The following VAT1L variants were observed in gnomAD, a reference collection of about 807,000 sequenced individuals.
VAT1L encodes the protein vesicle amine transport 1 like.
VAT1L carries 34 observed loss-of-function variants against 44.1 expected under a neutral mutation model. That is an observed-to-expected ratio of 0.77 (90% CI 0.59 to 1.03). The LOEUF is 1.03. Ranked by LOEUF, VAT1L falls within the 50% of genes least tolerant of loss-of-function variation. The probability of loss-of-function intolerance (pLI) is 0.00; values close to 1 mark genes in which losing one functional copy is unlikely to be tolerated. For missense variants in VAT1L, 615 were observed against 538.8 expected (o/e 1.14, Z -1.40); for synonymous variants, 253 against 202.2 (o/e 1.25, Z -2.13).
chr16:77,902,066 G>C (rs1342167231), intron 7 of VAT1L, among the ~76,000 whole-genome samples: 1 of 152,132 alleles, frequency 6.6e-6, no homozygotes, highest in Non-Finnish European at 1.5e-5. Flanking sequence ...GTTATTTCAG[G>C]TCTTCCAATG....
intron 7 of VAT1L, chr16:77,892,339 T>C (rs1168889009): frequency 3.2e-6 from 1 of 310,478 alleles, no homozygotes; most frequent in Non-Finnish European, 6.3e-6. Flanking sequence ...TTTAAAGATT[T>C]AGGAGCTCCT....
chr16:77,886,505 G>C (rs1319973553), intron 7 of VAT1L, among the ~76,000 whole-genome samples: 1 of 152,176 alleles, frequency 6.6e-6, no homozygotes, highest in African/African-American at 2.4e-5. Flanking sequence ...ACTTGGCCCA[G>C]TGGGTTCTTG....
At chr16:77,917,470 C>T (rs1488352395) in intron 7 of VAT1L, among the ~76,000 whole-genome samples, 1 of 152,198 alleles carries the variant, frequency 6.6e-6, no homozygotes, top group East Asian at 1.9e-4. Context: ...TAATTAAATT[C>T]ATCCTAATTC....
intron 7 of VAT1L, among the ~76,000 whole-genome samples, chr16:77,900,019 A>G (rs577986677): frequency 6.6e-6 from 1 of 152,358 alleles, no homozygotes; most frequent in African/African-American, 2.4e-5. Flanking sequence ...CTTTGCTGGA[A>G]GTGCAGAGGT....
At chr16:77,929,034 C>T (rs1352531396) in intron 7 of VAT1L, among the ~76,000 whole-genome samples, 1 of 152,112 alleles carries the variant, frequency 6.6e-6, no homozygotes, top group African/African-American at 2.4e-5. Flanking sequence ...CCAGGATGGT[C>T]TCGATCTCTT....
rs377419648 is a variant in VAT1L at position 77,861,306 on chromosome 16, T to C, written c.580-1442T>C. Among the ~76,000 whole-genome samples the C allele has an allele frequency of 2.0e-5, 3 of 152,342 alleles. No homozygotes were observed. In the East Asian group the frequency reaches 5.8e-4, roughly 29 times the overall value. ...CAACACTTGGCTTTAGAATGCACCT[T>C]AGTTACCAGAAAACTGGGTTTTACT... On this transcript the variant is annotated intron_variant, in intron 3 of 8. Transcript: ENST00000302536.
intron 8 of VAT1L, among the ~76,000 whole-genome samples, chr16:77,973,728 T>TTTTG (rs1353482195): frequency 2.6e-5 from 4 of 151,900 alleles, no homozygotes; most frequent in Admixed American, 6.6e-5. Context: ...TAAAGTGTTT[T>TTTTG]TTTGTTTGTT....
intron 7 of VAT1L, among the ~76,000 whole-genome samples, chr16:77,890,575 A>G (rs749183425): frequency 2.3e-4 from 35 of 152,288 alleles, no homozygotes; most frequent in African/African-American, 7.2e-4. Flanking sequence ...CTGCCACTTC[A>G]TAGTACACAG....
At chr16:77,936,724 G>A (rs1199822186) in intron 7 of VAT1L, among the ~76,000 whole-genome samples, 3 of 152,160 alleles carry the variant, frequency 2.0e-5, no homozygotes, top group African/African-American at 7.2e-5. Context: ...GCTGCAAACA[G>A]CATTAGTTAC....
chr16:77,844,799 C>T (rs1446635838), intron 3 of VAT1L, among the ~76,000 whole-genome samples: 1 of 151,894 alleles, frequency 6.6e-6, no homozygotes, highest in Non-Finnish European at 1.5e-5. Context: ...CTGGGGATGG[C>T]TATATATACA....
chr16:77,813,346 G>A (rs1023696187), intron 1 of VAT1L, among the ~76,000 whole-genome samples: 1 of 152,194 alleles, frequency 6.6e-6, no homozygotes, highest in African/African-American at 2.4e-5. Context: ...ATGGGTGATT[G>A]ATTACGGTAT....
intron 2 of VAT1L, among the ~76,000 whole-genome samples, chr16:77,822,830 C>T (rs78974596): frequency 0.087 from 13,310 of 152,224 alleles, 691 homozygotes; most frequent in Non-Finnish European, 0.11. Flanking sequence ...AGAAGACACA[C>T]TGGGGCAGAG....
At chr16:77,911,907 A>C (rs1197363841) in intron 7 of VAT1L, among the ~76,000 whole-genome samples, 1 of 152,176 alleles carries the variant, frequency 6.6e-6, no homozygotes, top group Admixed American at 6.5e-5. Flanking sequence ...GAGGATAGAA[A>C]TAGTTCACTT....
At chr16:77,802,476 G>A (rs1302697463) in intron 1 of VAT1L, among the ~76,000 whole-genome samples, 1 of 152,092 alleles carries the variant, frequency 6.6e-6, no homozygotes, top group Non-Finnish European at 1.5e-5. Context: ...TTAGCCAGGT[G>A]TGGTGGCAGG....
At chr16:77,876,981 G>A (rs1160932499) in intron 5 of VAT1L, among the ~76,000 whole-genome samples, 2 of 151,934 alleles carry the variant, frequency 1.3e-5, no homozygotes. Context: ...ACACATGTCT[G>A]TTCTTCTTCT....
At chr16:77,832,832 G>A (rs1412289622) in intron 3 of VAT1L, among the ~76,000 whole-genome samples, 1 of 152,158 alleles carries the variant, frequency 6.6e-6, no homozygotes, top group Non-Finnish European at 1.5e-5. Flanking sequence ...GGTCCTCCCT[G>A]AACCAACATC....
intron 4 of VAT1L, among the ~76,000 whole-genome samples, chr16:77,865,200 C>T (rs61538461): frequency 0.24 from 36,694 of 151,754 alleles, 4,686 homozygotes; most frequent in East Asian, 0.41. Flanking sequence ...GTCTTGATCT[C>T]CTGACCTCGT....
chr16:77,966,331 G>A (rs573136426), intron 7 of VAT1L, among the ~76,000 whole-genome samples: 257 of 152,216 alleles, frequency 1.7e-3, no homozygotes, highest in African/African-American at 5.8e-3. Context: ...TAAGTGCTTG[G>A]GCGAGACTGT....
chr16:77,903,936 C>G (rs1195715848), intron 7 of VAT1L, among the ~76,000 whole-genome samples: 1 of 151,790 alleles, frequency 6.6e-6, no homozygotes, highest in Non-Finnish European at 1.5e-5. Flanking sequence ...CAGGGTTTCA[C>G]CATGTTAGCA....
Sources: allele counts gnomAD v4.1 joint callset (sites outside exome capture counted in the v4.1 genomes callset), GRCh38; gene constraint gnomAD v4.1.1; transcripts MANE v1.5; gene names NCBI Gene and HGNC (gene_info 2026-07-23, HGNC 2026-07-21).